ST18: variants seen among roughly 807,000 people sequenced by gnomAD.
ST18 encodes suppression of tumorigenicity 18 protein.
A neutral mutation model predicts 110.0 loss-of-function variants in ST18; 50 were observed. The ratio of observed to expected loss-of-function variants is 0.45; its 90% CI spans 0.36 to 0.58. The LOEUF (loss-of-function observed/expected upper bound fraction) is 0.58, where lower values mean the gene tolerates loss of function less well. Among genes scored for constraint, ST18 ranks in the 20% least tolerant of loss-of-function variants. The probability of loss-of-function intolerance (pLI) is 0.00; values close to 1 mark genes in which losing one functional copy is unlikely to be tolerated. For missense variants in ST18, 1,306 were observed against 1,280.1 expected (o/e 1.02, Z -0.31); for synonymous variants, 461 against 452.4 (o/e 1.02, Z -0.24).
At chr8:52,386,075 G>A (rs538398760) in intron 2 of ST18, among the ~76,000 whole-genome samples, 2 of 152,218 alleles carry the variant, frequency 1.3e-5, no homozygotes, top group Non-Finnish European at 2.9e-5. Context: ...GCACATATAC[G>A]CAGACATTGA....
rs114038264 is a variant in ST18 at position 52,290,923 on chromosome 8, C to A, written c.-464-60846G>T. 2.4e-3 allele frequency among the ~76,000 whole-genome samples: 362 copies of A among 152,314 alleles called. 4 individuals carry two copies. The highest frequency in any genetic ancestry group is 8.4e-3 in the African/African-American group (349 of 41,582). On this transcript the variant is annotated intron_variant, in intron 2 of 25. Coordinates refer to ENST00000689386, the MANE Select transcript of ST18 (RefSeq NM_001352837.2). ...GTACCAATCGTTCCCCCGGTGAACACCGTGTTGCAGATCTCCTGGTGGTCA... is the reference window on the plus strand; with the variant it reads ...GTACCAATCGTTCCCCCGGTGAACAACGTGTTGCAGATCTCCTGGTGGTCA...
intron 2 of ST18, among the ~76,000 whole-genome samples, chr8:52,385,721 A>G (rs971284852): frequency 7.4e-6 from 1 of 134,992 alleles, no homozygotes; most frequent in African/African-American, 3.2e-5. Context: ...AACAAATTAG[A>G]AAAAAAAAAA....
At chr8:52,135,998 A>G (rs918067030) in intron 19 of ST18, among the ~76,000 whole-genome samples, 2 of 152,242 alleles carry the variant, frequency 1.3e-5, no homozygotes, top group Non-Finnish European at 2.9e-5. Context: ...TAAAAGGTAG[A>G]CTATAAATGT....
chr8:52,248,174 T>C (rs2094005020), intron 2 of ST18, among the ~76,000 whole-genome samples: 1 of 152,190 alleles, frequency 6.6e-6, no homozygotes, highest in Admixed American at 6.5e-5. Context: ...ATTTATTCAG[T>C]ATCACAATAT....
At chr8:52,171,535 AAC>A (rs1434752200) in intron 10 of ST18, 1 of 566,678 alleles carries the variant, frequency 1.8e-6, no homozygotes, top group South Asian at 1.6e-5. Flanking sequence ...ATTTATAAAA[AAC>A]AGTTAAATTA....
intron 18 of ST18, 40 bp from the exon 19 acceptor site, chr8:52,136,698 C>A (rs560471851): frequency 6.5e-7 from 1 of 1,539,896 alleles, no homozygotes; most frequent in East Asian, 2.3e-5. Context: ...ACAACACTGA[C>A]ATATACAAAT....
Position 52,161,420 on chromosome 8 carries a change from G to A in ST18, c.1549C>T (p.Leu517Phe), listed in dbSNP as rs1464222305. The A allele has an allele frequency of 1.2e-6, 2 of 1,614,186 alleles. No individual in the cohort carries two copies. Among genetic ancestry groups the A allele is most frequent in the Non-Finnish European group, 1.7e-6 (2 of 1,180,032 alleles). The part of the protein sequence containing the change: ...FDAQVFGKRP[L>F]IQTVQGRKTP... ...TTTCGTCCTTGCACTGTTTGTATGA[G>A]AGGGCGTTTACCGAAAACTTGGGCA... Residue 517 changes from leucine (L) to phenylalanine (F), a missense_variant, in exon 14 of 26, where the codon CTC becomes TTC. Leu to Phe is a conservative substitution (Grantham distance 22, BLOSUM62 0). Transcript: ENST00000689386.
chr8:52,370,828 C>T (rs1329261304), intron 2 of ST18, among the ~76,000 whole-genome samples: 1 of 152,144 alleles, frequency 6.6e-6, no homozygotes, highest in African/African-American at 2.4e-5. Flanking sequence ...AACCTAGTTC[C>T]CTGCTTATGT....
intron 2 of ST18, among the ~76,000 whole-genome samples, chr8:52,278,949 A>C (rs1237333899): frequency 6.6e-6 from 1 of 152,212 alleles, no homozygotes; most frequent in Non-Finnish European, 1.5e-5. Flanking sequence ...TTTGCAATGA[A>C]TCTTCAAAGA....
chr8:52,180,361 C>T (rs1219442670), intron 8 of ST18, 49 bp from the exon 9 acceptor site: 3 of 1,588,324 alleles, frequency 1.9e-6, no homozygotes, highest in Middle Eastern at 3.3e-4. Context: ...GCATTTACTG[C>T]TGTTTGGCAT....
At chr8:52,312,745 C>T (rs370353866) in intron 2 of ST18, among the ~76,000 whole-genome samples, 1 of 152,196 alleles carries the variant, frequency 6.6e-6, no homozygotes, top group East Asian at 1.9e-4. Context: ...CACAAGAAAG[C>T]AGTTAGCTTG....
intron 2 of ST18, among the ~76,000 whole-genome samples, chr8:52,234,575 A>G (rs1231710707): frequency 6.6e-6 from 1 of 152,112 alleles, no homozygotes; most frequent in Non-Finnish European, 1.5e-5. Flanking sequence ...TTGATACAGC[A>G]ACCCCACTAC....
chr8:52,398,032 A>T (rs1277134681), intron 2 of ST18, among the ~76,000 whole-genome samples: 1 of 152,116 alleles, frequency 6.6e-6, no homozygotes, highest in African/African-American at 2.4e-5. Flanking sequence ...AACTGCTTTA[A>T]GTAGCATGGT....
intron 2 of ST18, among the ~76,000 whole-genome samples, chr8:52,361,931 A>T (rs1825915193): frequency 2.0e-5 from 3 of 152,030 alleles, no homozygotes; most frequent in Admixed American, 1.3e-4. Flanking sequence ...GATGAAACCC[A>T]ATATGTCTGA....
intron 2 of ST18, chr8:52,403,781 T>G (rs1244679991): frequency 1.3e-5 from 2 of 152,224 alleles, no homozygotes; most frequent in Non-Finnish European, 2.9e-5. Context: ...TCAGCCATCT[T>G]GCTGATATCA....
chr8:52,396,674 G>T (rs1841243438), intron 2 of ST18, among the ~76,000 whole-genome samples: 1 of 152,024 alleles, frequency 6.6e-6, no homozygotes, highest in Non-Finnish European at 1.5e-5. Flanking sequence ...AGGGGGAAAA[G>T]CCCCATAAAA....
At chr8:52,330,808 G>C (rs1782902073) in intron 2 of ST18, among the ~76,000 whole-genome samples, 2 of 152,206 alleles carry the variant, frequency 1.3e-5, no homozygotes, top group African/African-American at 2.4e-5. Flanking sequence ...CTAGAAACGG[G>C]CTCCTTGCTG....
At chr8:52,243,379 A>G (rs2093597254) in intron 2 of ST18, among the ~76,000 whole-genome samples, 2 of 152,148 alleles carry the variant, frequency 1.3e-5, no homozygotes, top group South Asian at 4.1e-4. Flanking sequence ...CAACTACTTA[A>G]TGATATTTAA....
rs532255449 is a variant in ST18 at position 52,351,300 on chromosome 8, A to G, written c.-465+58028T>C. Among the ~76,000 whole-genome samples the G allele has an allele frequency of 7.2e-5, 11 of 152,322 alleles. No individual in the cohort carries two copies. The East Asian group carries it at 1.7e-3, about 24-fold the overall frequency. On this transcript the variant is annotated intron_variant, in intron 2 of 25. Transcript: ENST00000689386. ...GACACTTCCTCCAGGAAGCCTCCCA[A>G]TGAACAATTGAAAGTGCTGTCTTCA...
Sources: gnomAD v4.1 joint callset for allele counts (sites outside exome capture counted in the v4.1 genomes callset) on GRCh38, gnomAD v4.1.1 for gene constraint, MANE v1.5 for transcripts, NCBI Gene and HGNC (gene_info 2026-07-23, HGNC 2026-07-21) for gene names.